Variants in DNER observed in about 807,000 individuals in gnomAD.
DNER encodes the protein delta and Notch-like epidermal growth factor-related receptor.
In DNER, 33 loss-of-function variants were observed where a neutral mutation model predicts 78.2. That is an observed-to-expected ratio of 0.42 (90% CI 0.32 to 0.56). The LOEUF (loss-of-function observed/expected upper bound fraction) is 0.56. DNER is among the 20% of genes least tolerant of loss of function. DNER has a pLI of 0.11. For missense variants in DNER, 918 were observed against 975.3 expected, an observed-to-expected ratio of 0.94 and a Z score of 0.78; for synonymous variants, 417 against 384.8, an observed-to-expected ratio of 1.08 and a Z score of -0.98.
intron 10 of DNER, among the ~76,000 whole-genome samples, chr2:229,393,783 C>G (rs1021145627): frequency 4.0e-5 from 6 of 151,532 alleles, no homozygotes; most frequent in African/African-American, 1.5e-4. Flanking sequence ...GGAGTTGGAG[C>G]TTGCAGTGAG....
At chr2:229,634,254 TTTCCTTCCTTCCTTCC>T (rs200415124) in intron 1 of DNER, among the ~76,000 whole-genome samples, 3 of 152,092 alleles carry the variant, frequency 2.0e-5, no homozygotes, top group Non-Finnish European at 1.5e-5. Context: ...TTTTTCCTTC[TTTCCTTCCTTCCTTCC>T]TTCCTTCCTT....
chr2:229,618,490 G>A (rs2154215407), intron 1 of DNER, among the ~76,000 whole-genome samples: 1 of 152,280 alleles, frequency 6.6e-6, no homozygotes, highest in African/African-American at 2.4e-5. Flanking sequence ...TCTTCATGAA[G>A]GCCTATTTCC....
intron 4 of DNER, among the ~76,000 whole-genome samples, chr2:229,575,958 C>G (rs1189363589): frequency 6.6e-6 from 1 of 152,140 alleles, no homozygotes; most frequent in African/African-American, 2.4e-5. Flanking sequence ...AATCTTTGAA[C>G]TAAGCAAATG....
At position 229,585,872 on chromosome 2, in the gene DNER, T is replaced by C. The variant is rs1422391381; in HGVS notation, c.833A>G (p.Asn278Ser). 3.1e-6 allele frequency: 5 copies of C among 1,613,672 alleles called. No individual in the cohort carries two copies. Among genetic ancestry groups the C allele is most frequent in the Non-Finnish European group, 4.2e-6 (5 of 1,179,928 alleles). ...TGGTAACTCACCAATAAAGTGATTA[T>C]TCCCCAAGGCGAGCATCTCCTCCAG... ...VLLEEMLALG[N>S]NHFIGFVNDS... Residue 278 changes from asparagine to serine, a missense_variant, in exon 4 of 13, where the codon AAT becomes AGT. Coordinates refer to ENST00000341772, the MANE Select transcript of DNER (RefSeq NM_139072.4).
At chr2:229,547,687 G>T (rs1255104846) in intron 4 of DNER, among the ~76,000 whole-genome samples, 1 of 152,172 alleles carries the variant, frequency 6.6e-6, no homozygotes, top group Non-Finnish European at 1.5e-5. Context: ...TCACCAATCT[G>T]ACTCCACAGT....
At chr2:229,359,773 C>T (rs1396923446) in intron 12 of DNER, among the ~76,000 whole-genome samples, 3 of 152,114 alleles carry the variant, frequency 2.0e-5, no homozygotes, top group Non-Finnish European at 2.9e-5. Context: ...GAAAACAGTG[C>T]GTTCTTCATG....
chr2:229,706,896 A>AT (rs1211719849), intron 1 of DNER, among the ~76,000 whole-genome samples: 20 of 151,530 alleles, frequency 1.3e-4, no homozygotes, highest in East Asian at 5.8e-4. Context: ...TTTGGTTTTG[A>AT]TTTTTTTTTG....
chr2:229,598,057 G>A (rs1032699298), intron 1 of DNER, among the ~76,000 whole-genome samples: 15 of 152,072 alleles, frequency 9.9e-5, no homozygotes, highest in Admixed American at 2.6e-4. Flanking sequence ...TATCCTCTGC[G>A]GCGTACAAAC....
chr2:229,675,386 A>C (rs1699285142), intron 1 of DNER, among the ~76,000 whole-genome samples: 1 of 152,206 alleles, frequency 6.6e-6, no homozygotes, highest in Non-Finnish European at 1.5e-5. Context: ...AGGCACTGTC[A>C]GTTCTGATCC....
chr2:229,510,886 C>T (rs1489076659), intron 6 of DNER, among the ~76,000 whole-genome samples: 1 of 152,020 alleles, frequency 6.6e-6, no homozygotes, highest in African/African-American at 2.4e-5. Flanking sequence ...CAAATGCATA[C>T]TGAAAAAAGG....
intron 7 of DNER, among the ~76,000 whole-genome samples, chr2:229,453,765 T>A (rs1228618188): frequency 2.6e-5 from 4 of 152,026 alleles, no homozygotes; most frequent in Non-Finnish European, 2.9e-5. Context: ...TGTCTTTGTA[T>A]CCCTGTTGCT....
At chr2:229,562,891 C>T (rs553162938) in intron 4 of DNER, among the ~76,000 whole-genome samples, 44 of 151,704 alleles carry the variant, frequency 2.9e-4, no homozygotes, top group Admixed American at 4.6e-4. Context: ...TATCCCATTA[C>T]CATCATCATC....
chr2:229,434,925 TACACACACACACAC>T (rs58688647), intron 8 of DNER, among the ~76,000 whole-genome samples: 5 of 130,568 alleles, frequency 3.8e-5, no homozygotes, highest in Admixed American at 2.4e-4. Flanking sequence ...TATATATATA[TACACACACACACAC>T]ACACACACAC....
At chr2:229,692,458 T>C (rs1699595034) in intron 1 of DNER, among the ~76,000 whole-genome samples, 1 of 152,258 alleles carries the variant, frequency 6.6e-6, no homozygotes, top group East Asian at 1.9e-4. Context: ...CTTTCAGCTA[T>C]GGTTAACCAA....
At chr2:229,588,802 A>T (rs529388827) in intron 2 of DNER, among the ~76,000 whole-genome samples, 5 of 152,370 alleles carry the variant, frequency 3.3e-5, no homozygotes, top group Middle Eastern at 3.4e-3. Flanking sequence ...TTTAACAAGC[A>T]GTCATTGACC....
chr2:229,581,795 G>T (rs1697401392), intron 4 of DNER, among the ~76,000 whole-genome samples: 1 of 152,154 alleles, frequency 6.6e-6, no homozygotes. Context: ...CAGCAACCAA[G>T]TTTGTCTCCC....
chr2:229,387,309 C>T (rs1455382508), intron 11 of DNER, among the ~76,000 whole-genome samples: 1 of 151,998 alleles, frequency 6.6e-6, no homozygotes, highest in Non-Finnish European at 1.5e-5. Context: ...AGGAACATCA[C>T]ACACTGGGGC....
intron 5 of DNER, among the ~76,000 whole-genome samples, chr2:229,526,697 G>A (rs1696216805): frequency 6.6e-6 from 1 of 152,194 alleles, no homozygotes; most frequent in African/African-American, 2.4e-5. Context: ...TCAGGCAGTA[G>A]TGCTCGCTCG....
intron 10 of DNER, among the ~76,000 whole-genome samples, chr2:229,389,397 G>A (rs1692968216): frequency 6.8e-6 from 1 of 147,192 alleles, no homozygotes; most frequent in Admixed American, 6.6e-5. Flanking sequence ...CATTAAAGCT[G>A]AAGAGAAGAG....
Sources: gnomAD v4.1 joint callset for allele counts (sites outside exome capture counted in the v4.1 genomes callset) on GRCh38, gnomAD v4.1.1 for gene constraint, MANE v1.5 for transcripts, NCBI Gene and HGNC (gene_info 2026-07-23, HGNC 2026-07-21) for gene names.